ODF2: variants seen among roughly 807,000 people sequenced by gnomAD.
ODF2 encodes the protein outer dense fiber protein 2.
ODF2 carries 47 observed loss-of-function variants against 110.2 expected under a neutral mutation model. The observed-to-expected ratio is 0.43, with a 90% confidence interval of 0.34 to 0.54. The LOEUF is 0.54. Ranked by LOEUF, ODF2 falls within the 20% of genes least tolerant of loss-of-function variation. ODF2 has a pLI of 0.03. For synonymous variants in ODF2, 352 were observed against 397.7 expected (o/e 0.89, Z 1.37); for missense variants, 812 against 1,054.5 (o/e 0.77, Z 3.19).
At chr9:128,490,134 G>A (rs116985482) in intron 14 of ODF2, among the ~76,000 whole-genome samples, 2,491 of 152,238 alleles carry the variant, frequency 0.016, 28 homozygotes, top group Middle Eastern at 0.024. Context: ...TTCTAGACCA[G>A]CCTGGGCAAC....
exon 19 of ODF2, chr9:128,498,424 C>T (rs749830728): frequency 5.0e-6 from 8 of 1,592,764 alleles, no homozygotes; most frequent in South Asian, 2.3e-5. Context: ...AAACTGGAGG[C>T]GACCAGTGCC....
chr9:128,489,266 C>A (rs550377305), intron 14 of ODF2, among the ~76,000 whole-genome samples: 57 of 152,288 alleles, frequency 3.7e-4, no homozygotes, highest in Non-Finnish European at 7.4e-4. Context: ...TATTTTTTCA[C>A]TGATTTTGTT....
chr9:128,460,971 C>T (rs1836290977), exon 4 of ODF2: 8 of 1,614,174 alleles, frequency 5.0e-6, no homozygotes, highest in Non-Finnish European at 6.8e-6. Context: ...TGAAAGGGGA[C>T]ACTGTGAATG....
At chr9:128,466,012 G>A (rs1047879114) in intron 4 of ODF2, among the ~76,000 whole-genome samples, 1 of 151,070 alleles carries the variant, frequency 6.6e-6, no homozygotes, top group South Asian at 2.1e-4. Flanking sequence ...TGGTGGTCGC[G>A]CCACCAATAT....
chr9:128,498,454 A>G, exon 19 of ODF2: 2 of 1,612,538 alleles, frequency 1.2e-6, no homozygotes, highest in Non-Finnish European at 1.7e-6. Flanking sequence ...GAGTTCCTAC[A>G]GGTGATTGCC....
chr9:128,492,855 C>T lies in ODF2; in HGVS notation c.1752+50C>T, dbSNP rs778267002. On this transcript the variant is annotated intron_variant, in intron 16 of 20. Transcript: ENST00000604420. ...TTCTCCTACCCAATTCCATATCTAA[C>T]TCAATGACTGTGAGTCTGTTCCCCT... 3.4e-6 allele frequency: 5 copies of T among 1,480,626 alleles called. No individual in the cohort carries two copies. The Admixed American group carries it at 8.7e-5, about 26-fold the overall frequency. 91.7% of individuals were successfully genotyped at this position (1,480,626 alleles called of 1,614,324 possible).
chr9:128,500,095 A>G (rs372317552), exon 21 of ODF2: 2 of 1,614,276 alleles, frequency 1.2e-6, no homozygotes, highest in Non-Finnish European at 1.7e-6. Flanking sequence ...AGCCGGCTGC[A>G]AGACCTGAAA....
chr9:128,470,373 A>G (rs753130087), intron 5 of ODF2, among the ~76,000 whole-genome samples: 2 of 151,746 alleles, frequency 1.3e-5, no homozygotes, highest in Non-Finnish European at 2.9e-5. Context: ...GCTCATGCCT[A>G]TAATCCTAGC....
At chr9:128,487,778 C>G (rs1843665160) in intron 13 of ODF2, 112 bp from the exon 14 acceptor site, 1 of 1,314,282 alleles carries the variant, frequency 7.6e-7, no homozygotes, top group Admixed American at 2.1e-5. Flanking sequence ...CAGAGCGAGA[C>G]TCCGTCTAAA....
At chr9:128,496,074 A>G in exon 18 of ODF2, 1 of 1,613,876 alleles carries the variant, frequency 6.2e-7, no homozygotes, top group Non-Finnish European at 8.5e-7. Context: ...GGAGATGGCG[A>G]GAGAGAAACA....
In ODF2 at chr9:128,497,447, ATATATATATATATATATATAT is replaced by A. The variant is rs1467129275; in HGVS notation, c.2013-965_2013-945del. On this transcript the variant is annotated intron_variant, in intron 18 of 20. Transcript: ENST00000604420. ...CTAAAAAAAAAAAAAAAAAAAAAAA[ATATATATATATATATATATAT>A]ATATATATATATATATATGTATAAA... 16 of 37,868 alleles carry A rather than the reference ATATATATATATATATATATAT, an allele frequency of 4.2e-4. 1 individual carries two copies. Among genetic ancestry groups the A allele is most frequent in the Admixed American group, 1.6e-3 (4 of 2,452 alleles). The allele number at this position is 37,868 out of a possible 1,614,324, so 2.3% of individuals were successfully genotyped here.
chr9:128,460,113 A>G, intron 3 of ODF2: 1 of 1,291,366 alleles, frequency 7.7e-7, no homozygotes, highest in African/African-American at 1.5e-5. Context: ...TTTATTCTGC[A>G]CCCTGAGCAT....
chr9:128,455,987 C>T (rs964918388), upstream of ODF2: 2 of 1,413,170 alleles, frequency 1.4e-6, no homozygotes, highest in Non-Finnish European at 1.8e-6. Context: ...ACGCGTGGCC[C>T]GGAAGTGGGC....
chr9:128,484,039 G>C, exon 11 of ODF2: 1 of 1,611,372 alleles, frequency 6.2e-7, no homozygotes, highest in Non-Finnish European at 8.5e-7. Context: ...ACAGTCGCCT[G>C]TGCATGCAGA....
At chr9:128,457,950 T>A (rs1276656850) in intron 2 of ODF2, among the ~76,000 whole-genome samples, 1 of 151,252 alleles carries the variant, frequency 6.6e-6, no homozygotes, top group Non-Finnish European at 1.5e-5. Context: ...TATATTTTTT[T>A]TTTTTCCCCT....
chr9:128,480,413 C>T (rs1842176797), intron 8 of ODF2, among the ~76,000 whole-genome samples: 1 of 152,342 alleles, frequency 6.6e-6, no homozygotes, highest in East Asian at 1.9e-4. Context: ...GGTGACAACA[C>T]TTAAGATCTC....
intron 20 of ODF2, 39 bp downstream of exon 20, chr9:128,499,165 G>A: frequency 6.2e-7 from 1 of 1,612,748 alleles, no homozygotes; most frequent in Non-Finnish European, 8.5e-7. Flanking sequence ...AGAGTGGGCA[G>A]CAGACCTAGC....
intron 10 of ODF2, 45 bp from the exon 11 acceptor site, chr9:128,483,889 AAAAC>A (rs1842893274): frequency 4.4e-6 from 6 of 1,374,920 alleles, no homozygotes; most frequent in African/African-American, 1.4e-5. Flanking sequence ...CCGTATGAAA[AAAAC>A]AAACAAAAAA....
At chr9:128,491,521 G>A (rs535749106) in intron 14 of ODF2, among the ~76,000 whole-genome samples, 21 of 151,882 alleles carry the variant, frequency 1.4e-4, no homozygotes, top group Admixed American at 2.6e-4. Context: ...TAGCCGGAGT[G>A]GGGGTGGTGG....
Sources: allele counts gnomAD v4.1 joint callset (sites outside exome capture counted in the v4.1 genomes callset), GRCh38; gene constraint gnomAD v4.1.1; transcripts MANE v1.5; gene names NCBI Gene and HGNC (gene_info 2026-07-23, HGNC 2026-07-21).